The following SV2C variants were observed in gnomAD, a reference collection of about 807,000 sequenced individuals.
The protein encoded by SV2C is synaptic vesicle glycoprotein 2C, also known as solute carrier family 22 member B3.
Under a neutral mutation model 79.7 loss-of-function variants are expected in SV2C, and 49 were observed. The observed-to-expected ratio is 0.61, with a 90% CI of 0.49 to 0.78. The LOEUF is 0.78. Ranked by LOEUF, SV2C falls within the 30% of genes least tolerant of loss-of-function variation. SV2C has a pLI of 0.00. For missense variants in SV2C, 833 were observed against 912.9 expected (o/e 0.91, Z 1.13); for synonymous variants, 334 against 333.2 (o/e 1.00, Z -0.03).
chr5:75,925,296 C>T, the SV2C span, among the ~76,000 whole-genome samples: 1 of 152,216 alleles, frequency 6.6e-6, no homozygotes, highest in Non-Finnish European at 1.5e-5. Context: ...AAGAATCCCT[C>T]TCTTAGTTTT....
At chr5:76,049,009 A>AAGAAAGAAAGAAAGAAAGAAAGAG in the SV2C span, among the ~76,000 whole-genome samples, 1 of 107,002 alleles carries the variant, frequency 9.3e-6, no homozygotes, top group Non-Finnish European at 2.0e-5. Context: ...GAAAGAAAGA[A>AAGAAAGAAAGAAAGAAAGAAAGAG]AGAAAGAAAG....
chr5:76,107,330 G>A (rs1018729195), intron 1 of SV2C, among the ~76,000 whole-genome samples: 2 of 152,190 alleles, frequency 1.3e-5, no homozygotes, highest in African/African-American at 4.8e-5. Flanking sequence ...AATGTTTAGT[G>A]TACAATAATA....
chr5:76,085,196 G>T (rs1747143979), intron 1 of SV2C, among the ~76,000 whole-genome samples: 1 of 152,204 alleles, frequency 6.6e-6, no homozygotes, highest in Admixed American at 6.5e-5. Context: ...GTTTTCATGT[G>T]AACGCCTAGG....
the SV2C span, among the ~76,000 whole-genome samples, chr5:75,900,161 G>A: frequency 4.1e-3 from 629 of 152,220 alleles, 2 homozygotes; most frequent in Non-Finnish European, 7.1e-3. Flanking sequence ...TCCTAGCCTC[G>A]ATGGTCTTTA....
chr5:76,122,246 C>T (rs1433287897), intron 1 of SV2C, among the ~76,000 whole-genome samples: 1 of 151,492 alleles, frequency 6.6e-6, no homozygotes, highest in African/African-American at 2.4e-5. Flanking sequence ...GCTGAAGTTG[C>T]TTATCAGCTT....
intron 4 of SV2C, among the ~76,000 whole-genome samples, chr5:76,236,594 AG>A (rs1207504972): frequency 6.6e-6 from 1 of 151,994 alleles, no homozygotes; most frequent in African/African-American, 2.4e-5. Flanking sequence ...AGAGAGAGAG[AG>A]AAATAGAGAG....
chr5:75,930,421 T>G, the SV2C span, among the ~76,000 whole-genome samples: 3 of 152,352 alleles, frequency 2.0e-5, no homozygotes, highest in South Asian at 4.1e-4. Flanking sequence ...AAATTTAAGA[T>G]TGAATTCAGT....
At chr5:75,964,603 G>T in the SV2C span, among the ~76,000 whole-genome samples, 1 of 152,058 alleles carries the variant, frequency 6.6e-6, no homozygotes, top group Non-Finnish European at 1.5e-5. Context: ...AAGACTGGAG[G>T]ATCTCTGGGC....
chr5:76,010,272 T>C, the SV2C span, among the ~76,000 whole-genome samples: 1 of 152,110 alleles, frequency 6.6e-6, no homozygotes, highest in East Asian at 1.9e-4. Flanking sequence ...AGCCCAGCTG[T>C]GGGCTCAATC....
intron 2 of SV2C, among the ~76,000 whole-genome samples, chr5:76,151,849 G>T (rs760233426): frequency 2.6e-5 from 4 of 152,134 alleles, no homozygotes; most frequent in Non-Finnish European, 5.9e-5. Flanking sequence ...TGAGATGCCA[G>T]CCAAGCTGCT....
chr5:76,265,234 G>A (rs1445088177), intron 4 of SV2C, among the ~76,000 whole-genome samples: 2 of 152,164 alleles, frequency 1.3e-5, no homozygotes, highest in Non-Finnish European at 2.9e-5. Context: ...GAACTTCCAG[G>A]CCTCCTTAGT....
At chr5:75,926,092 A>T in the SV2C span, among the ~76,000 whole-genome samples, 1 of 152,228 alleles carries the variant, frequency 6.6e-6, no homozygotes, top group South Asian at 2.1e-4. Context: ...GAAAATGGCA[A>T]TATTCAATCA....
chr5:75,969,931 C>T, the SV2C span, among the ~76,000 whole-genome samples: 1 of 152,078 alleles, frequency 6.6e-6, no homozygotes, highest in Non-Finnish European at 1.5e-5. Flanking sequence ...AAGTAAAGCA[C>T]TCCTCAGCAA....
the SV2C span, among the ~76,000 whole-genome samples, chr5:76,018,290 G>A: frequency 6.6e-6 from 1 of 152,086 alleles, no homozygotes. Flanking sequence ...TATTTCATAT[G>A]TCATATTTCA....
chr5:75,864,775 AAAG>A, the SV2C span, among the ~76,000 whole-genome samples: 6 of 152,244 alleles, frequency 3.9e-5, no homozygotes, highest in African/African-American at 1.4e-4. Context: ...TCACTACTAC[AAAG>A]AAGTAGACAG....
At chr5:76,238,792 G>A (rs865813167) in intron 4 of SV2C, among the ~76,000 whole-genome samples, 6 of 152,210 alleles carry the variant, frequency 3.9e-5, no homozygotes, top group South Asian at 2.1e-4. Flanking sequence ...AGGATGTGGA[G>A]GGGAATGCCA....
chr5:76,234,905 G>A (rs1364720774), intron 4 of SV2C, among the ~76,000 whole-genome samples: 6 of 152,272 alleles, frequency 3.9e-5, no homozygotes, highest in African/African-American at 1.4e-4. Context: ...AAAAGCTAGA[G>A]CAACTACAAA....
At chr5:76,168,706 T>C (rs1743120441) in intron 2 of SV2C, among the ~76,000 whole-genome samples, 1 of 152,240 alleles carries the variant, frequency 6.6e-6, no homozygotes, top group African/African-American at 2.4e-5. Flanking sequence ...TGTTCTACTG[T>C]GTTCTCACAA....
chr5:76,348,834 A>G (rs1227723030), intron 12 of SV2C, among the ~76,000 whole-genome samples: 1 of 152,054 alleles, frequency 6.6e-6, no homozygotes, highest in Non-Finnish European at 1.5e-5. Context: ...CCCCATCTCT[A>G]CTAAAAATAC....
Sources: gnomAD v4.1 joint callset for allele counts (sites outside exome capture counted in the v4.1 genomes callset) on GRCh38, gnomAD v4.1.1 for gene constraint, MANE v1.5 for transcripts, NCBI Gene and HGNC (gene_info 2026-07-23, HGNC 2026-07-21) for gene names.